Variants in DHDH observed in about 807,000 individuals in gnomAD.
DHDH encodes the protein trans-1,2-dihydrobenzene-1,2-diol dehydrogenase.
DHDH carries 29 observed loss-of-function variants against 33.2 expected under a neutral mutation model. That is an observed-to-expected ratio of 0.87 (90% CI 0.65 to 1.19). DHDH has a LOEUF of 1.19. Ranked by LOEUF, DHDH falls within the 50% of genes most tolerant of loss-of-function variation. DHDH has a pLI of 0.00. For synonymous variants in DHDH, 201 were observed against 187.9 expected (o/e 1.07, Z -0.57); for missense variants, 431 against 455.0 (o/e 0.95, Z 0.48).
chr19:48,942,490 G>A lies in DHDH; in HGVS notation c.670G>A (p.Gly224Ser), dbSNP rs780028180. 3 of 1,613,792 alleles carry A rather than the reference G, an allele frequency of 1.9e-6. No homozygotes were observed. The highest frequency in any genetic ancestry group is 2.5e-6 in the Non-Finnish European group (3 of 1,179,892). The change falls in exon 5 of 7, where the codon GGC becomes AGC. Residue 224 changes from glycine (G) to serine (S), a missense_variant. By Grantham distance (56) the Gly-to-Ser change is moderately conservative. Transcript: ENST00000221403. ...VLLQYPGEVH[G>S]SFTCSITVQL... ...CCTGCAGTACCCAGGGGAGGTCCAT[G>A]GCAGCTTCACCTGCAGCATCACCGT...
At chr19:48,940,220 C>A (rs114176402) in intron 4 of DHDH, among the ~76,000 whole-genome samples, 13 of 151,764 alleles carry the variant, frequency 8.6e-5, no homozygotes, top group African/African-American at 2.9e-4. Flanking sequence ...CTAGGCATTG[C>A]GGCAGGCACC....
At chr19:48,933,857 G>T in intron 1 of DHDH, 46 bp downstream of exon 1, 2 of 1,575,146 alleles carry the variant, frequency 1.3e-6, no homozygotes, top group Non-Finnish European at 1.7e-6. Context: ...CGGGGGGCGG[G>T]ACTCCAGAGT....
intron 3 of DHDH, among the ~76,000 whole-genome samples, chr19:48,937,959 G>A (rs2037804271): frequency 6.6e-6 from 1 of 152,024 alleles, no homozygotes; most frequent in Non-Finnish European, 1.5e-5. Context: ...CCTCCTCAGG[G>A]TGTCACCGTC....
upstream of DHDH, chr19:48,933,574 T>A (rs2037731247): frequency 2.9e-6 from 2 of 694,734 alleles, no homozygotes; most frequent in Non-Finnish European, 5.0e-6. Context: ...TAGAACTAAA[T>A]GACCGCTCTG....
chr19:48,940,879 G>A (rs532463717), intron 4 of DHDH, among the ~76,000 whole-genome samples: 3 of 151,710 alleles, frequency 2.0e-5, no homozygotes, highest in Non-Finnish European at 2.9e-5. Context: ...ACAGAGTCTC[G>A]CTATATTGCC....
At chr19:48,937,361 C>T (rs1339379979) in intron 3 of DHDH, among the ~76,000 whole-genome samples, 3 of 152,162 alleles carry the variant, frequency 2.0e-5, no homozygotes, top group Non-Finnish European at 4.4e-5. Context: ...CCCTGACACT[C>T]TTGCGTCAGC....
chr19:48,936,713 A>AC (rs2037781906), intron 3 of DHDH, among the ~76,000 whole-genome samples: 2 of 136,452 alleles, frequency 1.5e-5, no homozygotes, highest in East Asian at 2.7e-4. Flanking sequence ...AAAAAAAACA[A>AC]ACAAAAAAAA....
chr19:48,943,067 T>A (rs117318923), intron 5 of DHDH, among the ~76,000 whole-genome samples: 23,771 of 95,294 alleles, frequency 0.25, 2,093 homozygotes, highest in Middle Eastern at 0.42. Context: ...AAAAAAAAAA[T>A]ATATATATAT....
Position 48,933,798 on chromosome 19 carries a change from G to A in DHDH, c.77G>A (p.Arg26His), listed in dbSNP as rs200382976. 3 of 1,610,430 alleles carry A rather than the reference G, an allele frequency of 1.9e-6. No homozygotes were observed. Among genetic ancestry groups the A allele is most frequent in the African/African-American group, 1.3e-5 (1 of 75,040 alleles). The change falls in exon 1 of 7, where the codon CGC becomes CAC. Residue 26 changes from arginine to histidine, a missense_variant. By Grantham distance (29) the Arg-to-His change is conservative. Transcript: ENST00000221403. ...ACAGCCGTGCTGCAGACGCTGCCTC[G>A]CTCTGAGCACCAGGTCTGCCCGCCC... is the stretch of plus-strand genomic sequence containing the variant. ...DFTAVLQTLP[R>H]SEHQVVAVAA... is the part of the protein sequence containing the mutation.
At position 48,936,240 on chromosome 19, in the gene DHDH, G is replaced by C. The variant is rs150939429; in HGVS notation, c.366+45G>C. On this transcript the variant is annotated intron_variant, in intron 3 of 6. Coordinates refer to ENST00000221403, the MANE Select transcript of DHDH (RefSeq NM_014475.4). Reference sequence around the variant, plus strand: ...TCCAATATCCAGCGTAAAAGTGCTTGCCATTAAATATGGTTGCCAGTGCGC... The same window carrying C: ...TCCAATATCCAGCGTAAAAGTGCTTCCCATTAAATATGGTTGCCAGTGCGC... The C allele has an allele frequency of 4.1e-4, 627 of 1,524,040 alleles. 8 individuals are homozygous for C. The East Asian group carries it at 0.012, about 29-fold the overall frequency. The allele number at this position is 1,524,040 out of a possible 1,614,324, so 94.4% of individuals were successfully genotyped here. A position where few individuals can be genotyped will look rare whatever the true frequency, so the allele number is the denominator to read the frequency against.
At chr19:48,938,645 A>ATTT (rs36006562) in intron 3 of DHDH, among the ~76,000 whole-genome samples, 1 of 129,030 alleles carries the variant, frequency 7.8e-6, no homozygotes, top group African/African-American at 3.0e-5. Context: ...TAATGACCTC[A>ATTT]TTTTTTTTTT....
chr19:48,939,397 C>T (rs1255572338), intron 3 of DHDH, 52 bp from the exon 4 acceptor site: 2 of 1,566,304 alleles, frequency 1.3e-6, no homozygotes, highest in Non-Finnish European at 1.7e-6. Context: ...ATGATTGGGA[C>T]CCCAGAAGGG....
chr19:48,944,241 C>T, intron 5 of DHDH, 116 bp from the exon 6 acceptor site: 1 of 1,423,810 alleles, frequency 7.0e-7, no homozygotes, highest in Non-Finnish European at 9.7e-7. Context: ...ACAGGGCAAG[C>T]TCTTAGCCAC....
At chr19:48,940,435 C>G (rs2037843226) in intron 4 of DHDH, among the ~76,000 whole-genome samples, 1 of 151,220 alleles carries the variant, frequency 6.6e-6, no homozygotes. Context: ...CCAAGAGTGC[C>G]TGAGCCACCC....
intron 3 of DHDH, among the ~76,000 whole-genome samples, chr19:48,937,223 TCAGAGCCTGCG>T (rs994172464): frequency 3.3e-5 from 5 of 152,254 alleles, no homozygotes; most frequent in African/African-American, 9.6e-5. Flanking sequence ...ACACCCAGGC[TCAGAGCCTGCG>T]CAGAGCCTGC....
intron 3 of DHDH, among the ~76,000 whole-genome samples, chr19:48,936,403 G>C (rs969241535): frequency 6.6e-6 from 1 of 152,050 alleles, no homozygotes; most frequent in African/African-American, 2.4e-5. Context: ...CAGTCTTTAA[G>C]AAAAAGATGC....
At chr19:48,938,340 G>A (rs559114797) in intron 3 of DHDH, among the ~76,000 whole-genome samples, 3 of 151,950 alleles carry the variant, frequency 2.0e-5, no homozygotes, top group East Asian at 1.9e-4. Flanking sequence ...CAGGTGATCC[G>A]CCCGCCTTGG....
Position 48,936,209 on chromosome 19 carries a change from A to C in DHDH, c.366+14A>C. 6.4e-7 allele frequency: 1 copy of C among 1,565,636 alleles called. No individual in the cohort carries two copies. Among genetic ancestry groups the C allele is most frequent in the Non-Finnish European group, 8.6e-7 (1 of 1,157,604 alleles). On this transcript the variant is annotated intron_variant, in intron 3 of 6. Transcript: ENST00000221403. Reference sequence around the variant, plus strand: ...TTCCTTATGGAGGTGAGGGCAGAGGAGCCCTTCCAATATCCAGCGTAAAAG... The same window carrying C: ...TTCCTTATGGAGGTGAGGGCAGAGGCGCCCTTCCAATATCCAGCGTAAAAG...
Position 48,935,816 on chromosome 19 carries a change from CA to C in DHDH, c.203-206del, listed in dbSNP as rs952376710. Among the ~76,000 whole-genome samples the C allele has an allele frequency of 2.4e-3, 357 of 148,542 alleles. 1 individual carries two copies. Among genetic ancestry groups the C allele is most frequent in the African/African-American group, 8.3e-3 (341 of 41,004 alleles). On this transcript the variant is annotated intron_variant, in intron 2 of 6. Transcript: ENST00000221403. ...TGGGCGAAGAGTGAGACTCCGCCTC[CA>C]AAAAAAAAATTAATTAATTAATTAA...
Sources: gnomAD v4.1 joint callset for allele counts (sites outside exome capture counted in the v4.1 genomes callset) on GRCh38, gnomAD v4.1.1 for gene constraint, MANE v1.5 for transcripts, NCBI Gene and HGNC (gene_info 2026-07-23, HGNC 2026-07-21) for gene names.